The following CLOCK variants were observed in gnomAD, a reference collection of about 807,000 sequenced individuals.
The protein encoded by CLOCK is circadian locomoter output cycles protein kaput.
In CLOCK, 43 loss-of-function variants were observed where a neutral mutation model predicts 118.4. That is an observed-to-expected ratio of 0.36 (90% CI 0.28 to 0.47). CLOCK has a LOEUF of 0.47. Among genes scored for constraint, CLOCK ranks in the 20% least tolerant of loss-of-function variants. The probability of loss-of-function intolerance (pLI) is 1.00; values close to 1 mark genes in which losing one functional copy is unlikely to be tolerated. For missense variants in CLOCK, 846 were observed against 999.9 expected, an observed-to-expected ratio of 0.85 and a Z score of 2.08; for synonymous variants, 326 against 339.2, an observed-to-expected ratio of 0.96 and a Z score of 0.43.
intron 9 of CLOCK, 149 bp from the exon 10 acceptor site, chr4:55,459,410 T>C (rs1162240481): frequency 9.4e-6 from 6 of 638,042 alleles, no homozygotes; most frequent in South Asian, 1.9e-5. Flanking sequence ...TTCATAAAAG[T>C]AGAGCACCTT....
chr4:55,496,602 T>G (rs1728104117), intron 2 of CLOCK, among the ~76,000 whole-genome samples: 2 of 152,188 alleles, frequency 1.3e-5, no homozygotes. Context: ...AAATTCCAAT[T>G]TACAGTATTT....
intron 21 of CLOCK, among the ~76,000 whole-genome samples, chr4:55,441,017 C>T (rs899377605): frequency 6.6e-6 from 1 of 152,196 alleles, no homozygotes; most frequent in Admixed American, 6.5e-5. Context: ...TCACTTCCTC[C>T]TTTCTAAAGA....
Position 55,430,956 on chromosome 4 carries a change from C to A in CLOCK, c.*4459G>T, listed in dbSNP as rs1429099996. 6.6e-6 allele frequency: 1 copy of A among 152,172 alleles called. No homozygotes were observed. The highest frequency in any genetic ancestry group is 1.5e-5 in the Non-Finnish European group (1 of 68,026). The allele number at this position is 152,172 out of a possible 1,614,324, so 9.4% of individuals were successfully genotyped here. ...CATTTGGCTATCTTGAAATCACTCCCATAAACCAACTACGGTTCACTGGAC... is the reference window on the plus strand; with the variant it reads ...CATTTGGCTATCTTGAAATCACTCCAATAAACCAACTACGGTTCACTGGAC... On this transcript the variant is annotated 3_prime_UTR_variant, in exon 23 of 23. Coordinates refer to ENST00000513440, the MANE Select transcript of CLOCK (RefSeq NM_004898.4).
At chr4:55,508,158 G>T (rs769087840) in intron 2 of CLOCK, among the ~76,000 whole-genome samples, 13 of 152,124 alleles carry the variant, frequency 8.5e-5, no homozygotes, top group Non-Finnish European at 1.6e-4. Flanking sequence ...ACTCCAAAGG[G>T]ACAGTGTACT....
chr4:55,453,709 T>C lies in CLOCK; in HGVS notation c.1098A>G (p.Pro366=). ...CAGTGTGAGTACAAACAATAAACTCTGGCCTTGAATTCCACTGATGGTAAG... is the reference window on the plus strand; with the variant it reads ...CAGTGTGAGTACAAACAATAAACTCCGGCCTTGAATTCCACTGATGGTAAG... ...YITYHQWNSR[P]EFIVCTHTVV... is the part of the protein sequence containing the mutation. Residue 366 remains proline (P), a synonymous_variant, in exon 14 of 23, where the codon CCA becomes CCG. Transcript: ENST00000513440. 1 of 1,611,068 alleles carries C rather than the reference T, an allele frequency of 6.2e-7. No homozygotes were observed. The highest frequency in any genetic ancestry group is 1.1e-5 in the South Asian group (1 of 90,676).
rs1231642807 is a variant in CLOCK, at chr4:55,545,142, G to A, written c.-290+1640C>T. 2.0e-5 allele frequency among the ~76,000 whole-genome samples: 3 copies of A among 150,446 alleles called. No homozygotes were observed. The Admixed American group carries it at 2.0e-4, about 10-fold the overall frequency. On this transcript the variant is annotated intron_variant, in intron 1 of 22. Transcript: ENST00000513440. ...AGGTTTGTCACATATGTATAAATGT[G>A]CCACGCTGGTGTGCTGCACCCATTA...
intron 9 of CLOCK, among the ~76,000 whole-genome samples, chr4:55,462,404 A>T (rs1477884988): frequency 1.3e-5 from 2 of 152,086 alleles, no homozygotes; most frequent in Non-Finnish European, 2.9e-5. Flanking sequence ...ATCCTACCTT[A>T]GTCTCCCAAG....
intron 18 of CLOCK, among the ~76,000 whole-genome samples, chr4:55,445,778 T>TA (rs1046578934): frequency 1.3e-5 from 2 of 151,194 alleles, no homozygotes; most frequent in African/African-American, 4.9e-5. Context: ...TATTTTCTTG[T>TA]AAAAATAGGG....
chr4:55,502,972 G>GA (rs1728535916), intron 2 of CLOCK, among the ~76,000 whole-genome samples: 1 of 152,142 alleles, frequency 6.6e-6, no homozygotes, highest in African/African-American at 2.4e-5. Flanking sequence ...TGCTCCATAA[G>GA]AGCTAAAATT....
intron 19 of CLOCK, among the ~76,000 whole-genome samples, chr4:55,444,420 G>A (rs1249112448): frequency 6.6e-6 from 1 of 152,128 alleles, no homozygotes; most frequent in Admixed American, 6.5e-5. Flanking sequence ...GATGACTGGA[G>A]AAACAAGGAT....
intron 4 of CLOCK, among the ~76,000 whole-genome samples, chr4:55,480,005 G>T (rs969841652): frequency 6.6e-5 from 10 of 152,178 alleles, no homozygotes; most frequent in Admixed American, 2.0e-4. Flanking sequence ...CGGTAAAAAC[G>T]TATAGAAAGT....
intron 2 of CLOCK, among the ~76,000 whole-genome samples, chr4:55,507,178 G>T (rs1199673859): frequency 6.6e-6 from 1 of 152,116 alleles, no homozygotes; most frequent in Non-Finnish European, 1.5e-5. Context: ...AGCTGGGCAT[G>T]GTGGTATGCA....
intron 5 of CLOCK, 178 bp from the exon 6 acceptor site, chr4:55,479,141 T>C: frequency 2.0e-6 from 1 of 507,234 alleles, no homozygotes; most frequent in Non-Finnish European, 3.4e-6. Flanking sequence ...GCTCAGTTTA[T>C]TACTAAAGAA....
At chr4:55,523,298 AAAACAAAC>A (rs952690763) in intron 1 of CLOCK, among the ~76,000 whole-genome samples, 1 of 152,082 alleles carries the variant, frequency 6.6e-6, no homozygotes, top group Non-Finnish European at 1.5e-5. Flanking sequence ...GACTCTGTCA[AAAACAAAC>A]AAACAAACAA....
chr4:55,472,788 G>A (rs978051706), intron 7 of CLOCK, among the ~76,000 whole-genome samples: 2 of 151,534 alleles, frequency 1.3e-5, no homozygotes, highest in Non-Finnish European at 2.9e-5. Flanking sequence ...CTTATTTTAA[G>A]TAGATGCCTA....
At position 55,458,786 on chromosome 4, in the gene CLOCK, T is replaced by TG. The variant is rs545337658; in HGVS notation, c.792+105_792+106insC. The TG allele has an allele frequency of 2.3e-4, 171 of 747,716 alleles. No homozygotes were observed. In the African/African-American group the frequency reaches 2.5e-3, roughly 11 times the overall value. The allele number at this position is 747,716 out of a possible 1,614,324, so 46.3% of individuals were successfully genotyped here. A position where few individuals can be genotyped will look rare whatever the true frequency, so the allele number is the denominator to read the frequency against. ...ATCGTTTCAAAAATATTATCATGCATATTTAATGACTCATAGCCATTCCAC... is the reference window on the plus strand; with the variant it reads ...ATCGTTTCAAAAATATTATCATGCATGATTTAATGACTCATAGCCATTCCAC... On this transcript the variant is annotated intron_variant, in intron 11 of 22. Transcript: ENST00000513440.
At chr4:55,544,179 C>T (rs1294528783) in intron 1 of CLOCK, among the ~76,000 whole-genome samples, 2 of 151,332 alleles carry the variant, frequency 1.3e-5, no homozygotes, top group African/African-American at 4.9e-5. Context: ...CACACACACA[C>T]ACACACACAC....
At chr4:55,485,916 A>G (rs564875503) in intron 3 of CLOCK, among the ~76,000 whole-genome samples, 1 of 152,242 alleles carries the variant, frequency 6.6e-6, no homozygotes, top group South Asian at 2.1e-4. Context: ...AAAAATTCCA[A>G]AAAACAAAGT....
intron 9 of CLOCK, among the ~76,000 whole-genome samples, chr4:55,461,474 T>C (rs1725339500): frequency 1.3e-5 from 2 of 152,174 alleles, no homozygotes; most frequent in East Asian, 1.9e-4. Flanking sequence ...AAAGTAGTCA[T>C]AGCTACTGTA....
Sources: allele counts gnomAD v4.1 joint callset (sites outside exome capture counted in the v4.1 genomes callset), GRCh38; gene constraint gnomAD v4.1.1; transcripts MANE v1.5; gene names NCBI Gene and HGNC (gene_info 2026-07-23, HGNC 2026-07-21).